The following MORC1 variants were observed in gnomAD, a reference collection of about 807,000 sequenced individuals.
MORC1 encodes the protein MORC family CW-type zinc finger 1, also known as MORC family CW-type zinc finger protein 1.
MORC1 carries 59 observed loss-of-function variants against 134.9 expected under a neutral mutation model. That is an observed-to-expected ratio of 0.44 (90% confidence interval 0.35 to 0.54). The LOEUF is 0.54. MORC1 is among the 20% of genes least tolerant of loss of function. The pLI is 0.00. For missense variants in MORC1, 947 were observed against 1,134.5 expected, an observed-to-expected ratio of 0.83 and a Z score of 2.37; for synonymous variants, 395 against 391.7, an observed-to-expected ratio of 1.01 and a Z score of -0.10.
rs746422040 is a variant in MORC1, at chr3:109,005,243, G to T, written c.1840C>A (p.Leu614Ile). Residue 614 changes from leucine to isoleucine, a missense_variant, in exon 19 of 28, where the codon CTT becomes ATT. Physicochemically the swap from Leu to Ile is conservative, Grantham distance 5. Coordinates refer to ENST00000232603, the MANE Select transcript of MORC1 (RefSeq NM_014429.4). The stretch of plus-strand genomic sequence containing the variant: ...TTCTGTCCTCTACGGCTCGCTGAAA[G>T]CTCAAAGGATGAAAGAGATTCATGC... ...LKHESLSSFELSASRRGQKRN... is the reference protein window; with the variant it reads ...LKHESLSSFEISASRRGQKRN... 6.2e-7 allele frequency: 1 copy of T among 1,613,820 alleles called. No individual in the cohort carries two copies. The highest frequency in any genetic ancestry group is 8.5e-7 in the Non-Finnish European group (1 of 1,179,936).
intron 9 of MORC1, 141 bp downstream of exon 9, chr3:109,069,491 C>T (rs1403243736): frequency 4.7e-5 from 37 of 790,712 alleles, no homozygotes; most frequent in Non-Finnish European, 6.7e-5. Flanking sequence ...TTTAGCATCC[C>T]TTCCTGGATG....
chr3:109,027,641 A>G, intron 17 of MORC1, 110 bp downstream of exon 17: 7 of 1,416,344 alleles, frequency 4.9e-6, no homozygotes, highest in African/African-American at 1.4e-5. Context: ...AAAGGACAGG[A>G]AAAAGATTAT....
At position 109,035,321 on chromosome 3, in the gene MORC1, A is replaced by G; in HGVS notation, c.1459+19T>C. ...AGAGCCCTTAACATTTGGTAATTAT[A>G]ATGGACTTCAACACTCACCACATTG... On this transcript the variant is annotated intron_variant, in intron 15 of 27. Transcript: ENST00000232603. 1 of 1,572,228 alleles carries G rather than the reference A, an allele frequency of 6.4e-7. No homozygotes were observed. The highest frequency in any genetic ancestry group is 8.6e-7 in the Non-Finnish European group (1 of 1,159,274).
intron 21 of MORC1, among the ~76,000 whole-genome samples, chr3:108,992,551 C>T (rs1249114942): frequency 6.6e-6 from 1 of 152,116 alleles, no homozygotes; most frequent in Non-Finnish European, 1.5e-5. Context: ...TCCTTCTAAG[C>T]AAAACTCAAA....
At position 109,008,549 on chromosome 3, in the gene MORC1, T is replaced by C. The variant is rs187915083; in HGVS notation, c.1705-1458A>G. 5.6e-4 allele frequency among the ~76,000 whole-genome samples: 85 copies of C among 151,948 alleles called. 2 individuals are homozygous for C. The highest frequency in any genetic ancestry group is 1.8e-3 in the African/African-American group (76 of 41,506). ...TTAAAGTTTCCTATTACTAGTATGA[T>C]TGTCTCTTTTTTCATGTATCACTTG... On this transcript the variant is annotated intron_variant, in intron 17 of 27. Transcript: ENST00000232603.
At chr3:109,080,905 T>C (rs1207106390) in intron 8 of MORC1, among the ~76,000 whole-genome samples, 1 of 152,158 alleles carries the variant, frequency 6.6e-6, no homozygotes, top group Non-Finnish European at 1.5e-5. Context: ...CAGAACCATG[T>C]ATGATAAAAA....
At chr3:109,114,906 G>GT (rs1951238268) in intron 1 of MORC1, among the ~76,000 whole-genome samples, 1 of 152,236 alleles carries the variant, frequency 6.6e-6, no homozygotes. Context: ...TCACCAATCT[G>GT]TATTTTTCTG....
At chr3:109,102,238 G>C (rs1363449287) in intron 4 of MORC1, among the ~76,000 whole-genome samples, 1 of 152,132 alleles carries the variant, frequency 6.6e-6, no homozygotes, top group African/African-American at 2.4e-5. Flanking sequence ...TGTGGGTGGA[G>C]TGTTCTAAGG....
intron 23 of MORC1, among the ~76,000 whole-genome samples, chr3:108,980,897 G>A (rs983960740): frequency 3.9e-5 from 6 of 152,144 alleles, no homozygotes; most frequent in African/African-American, 1.4e-4. Flanking sequence ...GGTCAGTGTT[G>A]GGATTGCAGG....
intron 17 of MORC1, among the ~76,000 whole-genome samples, chr3:109,011,667 A>G (rs1363162059): frequency 6.6e-6 from 1 of 152,050 alleles, no homozygotes; most frequent in East Asian, 1.9e-4. Context: ...GATTACAGGC[A>G]TGCGCCACCA....
At chr3:109,105,004 C>A (rs1951000028) in intron 3 of MORC1, among the ~76,000 whole-genome samples, 1 of 152,174 alleles carries the variant, frequency 6.6e-6, no homozygotes, top group Non-Finnish European at 1.5e-5. Context: ...ATCACCCTCA[C>A]CTTACCCTCA....
chr3:109,069,602 T>C, intron 9 of MORC1, 30 bp downstream of exon 9: 1 of 1,539,302 alleles, frequency 6.5e-7, no homozygotes. Flanking sequence ...ATAAAAACTC[T>C]GTGAAGATAA....
intron 26 of MORC1, among the ~76,000 whole-genome samples, chr3:108,965,599 T>A (rs956203523): frequency 2.4e-4 from 37 of 152,202 alleles, no homozygotes; most frequent in Admixed American, 2.1e-3. Flanking sequence ...GAATTCTGCA[T>A]CCTGATTTCG....
chr3:108,985,335 C>A (rs1368347680), intron 22 of MORC1, among the ~76,000 whole-genome samples: 2 of 152,178 alleles, frequency 1.3e-5, no homozygotes, highest in East Asian at 3.8e-4. Flanking sequence ...ATTCTATGAT[C>A]CACTTGGATT....
At chr3:108,998,578 GCA>G (rs928906504) in intron 21 of MORC1, among the ~76,000 whole-genome samples, 30 of 152,190 alleles carry the variant, frequency 2.0e-4, no homozygotes, top group African/African-American at 7.0e-4. Flanking sequence ...ACTCACACGT[GCA>G]CACAGACACA....
rs1246587617 is a variant in MORC1 at position 109,069,693 on chromosome 3, T to C, written c.754A>G (p.Ile252Val). ...SVLYFNPWMR[I>V]FIQAKRVKTK... The stretch of plus-strand genomic sequence containing the variant: ...TTAACTCTCTTGGCTTGAATGAATA[T>C]TCTCATCCATGGGTTAAAATACAGA... The change falls in exon 9 of 28, where the codon ATA (isoleucine) becomes GTA (valine). Residue 252 changes from isoleucine (I) to valine (V), a missense_variant. Around this residue, in one of 3 missense-constraint regions of MORC1, gnomAD observed 11 missense variants for 36.2 expected, o/e 0.30. Coordinates refer to ENST00000232603, the MANE Select transcript of MORC1 (RefSeq NM_014429.4). 1.9e-6 allele frequency: 3 copies of C among 1,612,996 alleles called. No homozygotes were observed. Among genetic ancestry groups the C allele is most frequent in the Non-Finnish European group, 2.5e-6 (3 of 1,179,246 alleles).
Position 109,093,474 on chromosome 3 carries a change from A to G in MORC1, c.651T>C (p.Thr217=). ...CAGCCATCAGTATATCTTCTTTGTC[A>G]GTTTTAACATCCAACTCTGGTTCTC... ...LNGEPELDVK[T]DKEDILMAGA... is the part of the protein sequence containing the mutation. Residue 217 remains threonine, a synonymous_variant, in exon 8 of 28, where the codon ACT becomes ACC. Transcript: ENST00000232603. 7.4e-6 allele frequency: 12 copies of G among 1,613,882 alleles called. No individual in the cohort carries two copies. Among genetic ancestry groups the G allele is most frequent in the Non-Finnish European group, 1.0e-5 (12 of 1,179,806 alleles).
At chr3:109,073,699 T>G (rs2107716736) in intron 8 of MORC1, among the ~76,000 whole-genome samples, 1 of 152,354 alleles carries the variant, frequency 6.6e-6, no homozygotes, top group South Asian at 2.1e-4. Flanking sequence ...GTGAAAATAT[T>G]ACATAACCAA....
chr3:108,959,149 G>C, intron 27 of MORC1, 29 bp from the exon 28 acceptor site: 2 of 1,557,832 alleles, frequency 1.3e-6, no homozygotes, highest in Non-Finnish European at 1.7e-6. Flanking sequence ...AGTCACACCA[G>C]GGAAAGAAGC....
Sources: allele counts gnomAD v4.1 joint callset (sites outside exome capture counted in the v4.1 genomes callset), GRCh38; gene constraint gnomAD v4.1.1; regional missense constraint gnomAD v4.1.1; transcripts MANE v1.5; gene names NCBI Gene and HGNC (gene_info 2026-07-23, HGNC 2026-07-21).